The following LY75 variants were observed in gnomAD, a reference collection of about 807,000 sequenced individuals.
LY75 encodes C-type lectin domain family 13 member B.
Under a neutral mutation model 231.7 loss-of-function variants are expected in LY75, and 185 were observed. That is an observed-to-expected ratio of 0.80 (90% CI 0.71 to 0.90). The LOEUF (loss-of-function observed/expected upper bound fraction) is 0.90. Ranked by LOEUF, LY75 falls within the 40% of genes least tolerant of loss-of-function variation. The pLI is 0.00. For synonymous variants in LY75, 668 were observed against 689.0 expected (o/e 0.97, Z 0.48); for missense variants, 1,947 against 2,050.2 (o/e 0.95, Z 0.97).
At chr2:159,879,989 G>A (rs1410669397) in intron 8 of LY75, among the ~76,000 whole-genome samples, 1 of 152,152 alleles carries the variant, frequency 6.6e-6, no homozygotes. Context: ...TGCTGTCTAG[G>A]TATGCCATCA....
chr2:159,824,734 AG>A (rs1268410809), intron 28 of LY75, among the ~76,000 whole-genome samples: 1 of 152,172 alleles, frequency 6.6e-6, no homozygotes, highest in Non-Finnish European at 1.5e-5. Context: ...CCTAAGCAAA[AG>A]CAAAAGAATG....
intron 16 of LY75, among the ~76,000 whole-genome samples, chr2:159,857,040 A>G (rs1370717391): frequency 6.6e-6 from 1 of 152,222 alleles, no homozygotes; most frequent in East Asian, 1.9e-4. Context: ...ACATTGTCCG[A>G]ATTAATTATA....
chr2:159,835,730 T>G, intron 25 of LY75, 85 bp from the exon 26 acceptor site: 1 of 1,474,216 alleles, frequency 6.8e-7, no homozygotes, highest in Non-Finnish European at 9.1e-7. Context: ...AATCTAATGA[T>G]TTTTAATTTT....
chr2:159,808,207 T>C (rs1682845482), intron 33 of LY75: 28 of 845,114 alleles, frequency 3.3e-5, no homozygotes, highest in Non-Finnish European at 3.7e-5. Flanking sequence ...AATAAGCCTC[T>C]AGAAAGATTC....
intron 32 of LY75, among the ~76,000 whole-genome samples, 167 bp from the exon 33 acceptor site, chr2:159,808,738 A>G (rs1009409514): frequency 2.0e-5 from 3 of 152,204 alleles, no homozygotes; most frequent in Admixed American, 6.5e-5. Context: ...AAAATTTTAT[A>G]AGTACTTCAA....
rs890724081 is a variant in LY75 at position 159,904,516 on chromosome 2, C to T, written c.94+73G>A. ...CCTGCCCCAGGGGCGCAGCCCTGCC[C>T]CAGGCTGGAAGGCAGCAGAGCTGTG... On this transcript the variant is annotated intron_variant, in intron 1 of 34. Coordinates refer to ENST00000263636, the MANE Select transcript of LY75 (RefSeq NM_002349.4). 4.9e-6 allele frequency: 7 copies of T among 1,428,732 alleles called. No individual in the cohort carries two copies. In the African/African-American group the frequency reaches 9.0e-5, roughly 18 times the overall value. The allele number at this position is 1,428,732 out of a possible 1,614,324, so 88.5% of individuals were successfully genotyped here. A position where few individuals can be genotyped will look rare whatever the true frequency, so the allele number is the denominator to read the frequency against.
intron 2 of LY75, among the ~76,000 whole-genome samples, chr2:159,894,970 A>G (rs1241645472): frequency 6.6e-6 from 1 of 152,212 alleles, no homozygotes. Flanking sequence ...TCGGTCCACA[A>G]TTTGCTAAAA....
chr2:159,847,451 G>A (rs1684237910), intron 23 of LY75, among the ~76,000 whole-genome samples: 1 of 152,038 alleles, frequency 6.6e-6, no homozygotes, highest in Admixed American at 6.6e-5. Flanking sequence ...CCCCCTCTCA[G>A]CCTCCAGAGT....
intron 28 of LY75, among the ~76,000 whole-genome samples, chr2:159,831,326 G>T (rs1457447269): frequency 1.3e-5 from 2 of 152,160 alleles, no homozygotes; most frequent in African/African-American, 2.4e-5. Context: ...TGACATGATT[G>T]TAAGTTTCCT....
Position 159,853,592 on chromosome 2 carries a change from G to C in LY75, c.2663+38C>G, listed in dbSNP as rs371494336. The C allele has an allele frequency of 5.8e-4, 934 of 1,612,290 alleles. 3 individuals carry two copies. The highest frequency in any genetic ancestry group is 3.3e-3 in the South Asian group (296 of 90,958). Reference sequence around the variant, plus strand: ...GTAAAAGGAACTGCTTCTTTTAAGTGATAACTTTACAAAGGTAGAATCAAT... The same window carrying C: ...GTAAAAGGAACTGCTTCTTTTAAGTCATAACTTTACAAAGGTAGAATCAAT... On this transcript the variant is annotated intron_variant, in intron 19 of 34. Transcript: ENST00000263636.
chr2:159,887,566 C>CAAAAAAAAAAAAAAAAAA (rs369452762), intron 4 of LY75, among the ~76,000 whole-genome samples: 7 of 103,800 alleles, frequency 6.7e-5, no homozygotes, highest in Admixed American at 9.8e-5. Context: ...TCAACAACAA[C>CAAAAAAAAAAAAAAAAAA]AAAAAAAAAA....
In LY75 at chr2:159,816,808, C is replaced by G. The variant is rs750950327; in HGVS notation, c.4378G>C (p.Asp1460His). Residue 1460 changes from aspartate to histidine, a missense_variant and splice_region_variant, in exon 30 of 35, where the codon GAT (aspartate) becomes CAT (histidine). Transcript: ENST00000263636. ...FPLWVGLSSH[D>H]GSESSFEWSD... Reference sequence around the variant, plus strand: ...CTGGAAAACGAAGCAAGACTTACATCATGACTTGAGAGCCCAACCCATAGT... The same window carrying G: ...CTGGAAAACGAAGCAAGACTTACATGATGACTTGAGAGCCCAACCCATAGT... The G allele has an allele frequency of 6.2e-7, 1 of 1,613,158 alleles. No individual in the cohort carries two copies. Among genetic ancestry groups the G allele is most frequent in the African/African-American group, 1.3e-5 (1 of 74,906 alleles).
At chr2:159,833,368 C>T (rs2125842354) in intron 27 of LY75, among the ~76,000 whole-genome samples, 1 of 152,272 alleles carries the variant, frequency 6.6e-6, no homozygotes, top group East Asian at 1.9e-4. Context: ...CCTCCCACTT[C>T]AGCCTTCCAA....
intron 30 of LY75, among the ~76,000 whole-genome samples, chr2:159,815,920 T>C (rs1281889281): frequency 1.3e-5 from 2 of 152,200 alleles, no homozygotes; most frequent in African/African-American, 2.4e-5. Context: ...CCAACCTTCA[T>C]ATTGTTCTGA....
At chr2:159,879,126 GTTCTA>G in intron 9 of LY75, 128 bp downstream of exon 9, 7 of 1,038,210 alleles carry the variant, frequency 6.7e-6, no homozygotes, top group Non-Finnish European at 6.8e-6. Context: ...CTTCTGGCTT[GTTCTA>G]ACTTAAATGA....
chr2:159,854,429 G>A lies in LY75; in HGVS notation c.2526C>T (p.Ser842=). 1 of 1,574,862 alleles carries A rather than the reference G, an allele frequency of 6.3e-7. No homozygotes were observed. Among genetic ancestry groups the A allele is most frequent in the South Asian group, 1.2e-5 (1 of 84,502 alleles). The change falls in exon 18 of 35, where the codon AGC becomes AGT. Residue 842 remains serine (S), a synonymous_variant. Transcript: ENST00000263636. ...NYEEAVLYCA[S]NHSFLATITS... ...TTATAGTTGCAAGAAAGCTGTGATTGCTGGCACAGTACAGGACGGCTTCTT... is the reference window on the plus strand; with the variant it reads ...TTATAGTTGCAAGAAAGCTGTGATTACTGGCACAGTACAGGACGGCTTCTT...
chr2:159,823,737 T>A (rs556095282), intron 28 of LY75, among the ~76,000 whole-genome samples: 1 of 152,316 alleles, frequency 6.6e-6, no homozygotes, highest in South Asian at 2.1e-4. Context: ...CCCATCAGAC[T>A]AATAGTAGAT....
intron 33 of LY75, 27 bp from the exon 34 acceptor site, chr2:159,807,167 T>G: frequency 6.3e-7 from 1 of 1,596,302 alleles, no homozygotes; most frequent in Non-Finnish European, 8.5e-7. Flanking sequence ...AATACAACTA[T>G]GTCTACTGCC....
intron 28 of LY75, among the ~76,000 whole-genome samples, chr2:159,830,146 T>C (rs1003731151): frequency 6.6e-6 from 1 of 152,238 alleles, no homozygotes; most frequent in Non-Finnish European, 1.5e-5. Flanking sequence ...TATTGCTTGA[T>C]AGTTTAATTT....
Sources: allele counts gnomAD v4.1 joint callset (sites outside exome capture counted in the v4.1 genomes callset), GRCh38; gene constraint gnomAD v4.1.1; transcripts MANE v1.5; gene names NCBI Gene and HGNC (gene_info 2026-07-23, HGNC 2026-07-21).